Variants in NPAS4 observed in about 807,000 individuals in gnomAD.
The protein encoded by NPAS4 is neuronal PAS domain protein 4, also known as neuronal PAS domain-containing protein 4.
In NPAS4, 10 loss-of-function variants were observed where a neutral mutation model predicts 64.0. The observed-to-expected ratio is 0.16, with a 90% confidence interval of 0.10 to 0.26. NPAS4 has a LOEUF of 0.26. Ranked by LOEUF, NPAS4 falls within the 10% of genes least tolerant of loss-of-function variation. The pLI is 1.00. For synonymous variants in NPAS4, 441 were observed against 411.7 expected, an observed-to-expected ratio of 1.07 and a Z score of -0.86; for missense variants, 886 against 992.6, an observed-to-expected ratio of 0.89 and a Z score of 1.44.
the NPAS4 span, chr11:66,409,894 C>G: frequency 6.6e-6 from 1 of 152,358 alleles, no homozygotes; most frequent in Non-Finnish European, 1.5e-5. Flanking sequence ...TTTGGAAAAG[C>G]TTCTGGATGC....
Position 66,422,735 on chromosome 11 carries a change from C to A in NPAS4, c.492C>A (p.Asn164Lys), listed in dbSNP as rs765475757. 6.8e-6 allele frequency: 11 copies of A among 1,614,046 alleles called. No homozygotes were observed. The highest frequency in any genetic ancestry group is 2.2e-5 in the South Asian group (2 of 91,086). Residue 164 changes from asparagine (N) to lysine (K), a missense_variant, in exon 4 of 8, where the codon AAC becomes AAA. By Grantham distance (94) the Asn-to-Lys change is moderately conservative (BLOSUM62 0). Around this residue, in one of 3 missense-constraint regions of NPAS4, gnomAD observed 820 missense variants for 855.5 expected, o/e 0.96. Transcript: ENST00000311034. The stretch of plus-strand genomic sequence containing the variant: ...CCCTCAGGCGCCAGAGTGCAGGCAA[C>A]AAACTCGTGCTTATTCGAGGCCGAT... The part of the protein sequence containing the change: ...SKSLRRQSAG[N>K]KLVLIRGRFH...
In NPAS4 at chr11:66,424,673, C is replaced by T. The variant is rs749883401; in HGVS notation, c.1783C>T (p.Arg595Trp). ...CACGCTCTTGGCCCTAGCCCAGCTCCGGGGCCCCCTCTCTGTGGATGTCCC... is the reference window on the plus strand; with the variant it reads ...CACGCTCTTGGCCCTAGCCCAGCTCTGGGGCCCCCTCTCTGTGGATGTCCC... ...DCTLLALAQL[R>W]GPLSVDVPLV... Residue 595 changes from arginine (R) to tryptophan (W), a missense_variant, in exon 7 of 8, where the codon CGG becomes TGG. By Grantham distance (101) the Arg-to-Trp change is moderately radical (BLOSUM62 -3). Transcript: ENST00000311034. 51 of 1,613,384 alleles carry T rather than the reference C, an allele frequency of 3.2e-5. No individual in the cohort carries two copies. Among genetic ancestry groups the T allele is most frequent in the Middle Eastern group, 1.6e-4 (1 of 6,082 alleles).
upstream of NPAS4, among the ~76,000 whole-genome samples, chr11:66,416,559 T>A (rs1406077434): frequency 2.0e-5 from 3 of 152,140 alleles, no homozygotes; most frequent in Non-Finnish European, 4.4e-5. Context: ...CCTATGGCCA[T>A]AAGTTAAGTA....
chr11:66,411,746 C>T, the NPAS4 span, among the ~76,000 whole-genome samples: 1 of 152,204 alleles, frequency 6.6e-6, no homozygotes, highest in African/African-American at 2.4e-5. Flanking sequence ...CCGCGTTCCC[C>T]AGCATGGGGA....
At chr11:66,421,434 C>T (rs1856739787) in intron 1 of NPAS4, 80 bp downstream of exon 1, 1 of 1,318,038 alleles carries the variant, frequency 7.6e-7, no homozygotes, top group Middle Eastern at 1.8e-4. Context: ...CTGGGGCTGT[C>T]GCATGTCTAG....
rs1856759931 is a variant in NPAS4, at chr11:66,422,487, A to T, written c.364A>T (p.Ile122Phe). 1 of 1,613,878 alleles carries T rather than the reference A, an allele frequency of 6.2e-7. No homozygotes were observed. The highest frequency in any genetic ancestry group is 1.3e-5 in the African/African-American group (1 of 74,854). Residue 122 changes from isoleucine to phenylalanine, a missense_variant, in exon 3 of 8, where the codon ATC becomes TTC. Coordinates refer to ENST00000311034, the MANE Select transcript of NPAS4 (RefSeq NM_178864.4). ...LVAQGDSIYD[I>F]IDPADHLTVR... ...TGCCCAGGGTGACAGCATCTACGAC[A>T]TCATTGACCCAGCTGACCACCTCAC...
At chr11:66,414,764 C>T in the NPAS4 span, among the ~76,000 whole-genome samples, 6,611 of 152,206 alleles carry the variant, frequency 0.043, 187 homozygotes, top group Non-Finnish European at 0.063. Flanking sequence ...CTGCACTGAC[C>T]GCGGAGCCAT....
At chr11:66,414,159 C>T in the NPAS4 span, among the ~76,000 whole-genome samples, 3 of 152,090 alleles carry the variant, frequency 2.0e-5, no homozygotes, top group Non-Finnish European at 4.4e-5. Context: ...AGGGGGTCCC[C>T]GGACCTCACT....
At chr11:66,416,004 GA>G (rs905775225), upstream of NPAS4, among the ~76,000 whole-genome samples, 2 of 152,126 alleles carry the variant, frequency 1.3e-5, no homozygotes, top group African/African-American at 4.8e-5. Context: ...TCGAGATCCT[GA>G]CACAGAAGAT....
At chr11:66,419,493 A>T (rs577558205), upstream of NPAS4, among the ~76,000 whole-genome samples, 14 of 151,922 alleles carry the variant, frequency 9.2e-5, no homozygotes, top group African/African-American at 3.1e-4. Flanking sequence ...TCCCAGTCCC[A>T]CCCTCCAATT....
rs1354397778 is a variant in NPAS4 at position 66,425,158 on chromosome 11, C to T, written c.2268C>T (p.Asp756=). The T allele has an allele frequency of 6.2e-7, 1 of 1,604,644 alleles. No individual in the cohort carries two copies. The highest frequency in any genetic ancestry group is 1.1e-5 in the South Asian group (1 of 89,634). Reference sequence around the variant, plus strand: ...CAGAAGACCACAGCTTCCTGGAGGACCTGGCCACATATGAAACCGCCTTTG... The same window carrying T: ...CAGAAGACCACAGCTTCCTGGAGGATCTGGCCACATATGAAACCGCCTTTG... ...LSPEDHSFLE[D]LATYETAFET... Residue 756 remains aspartate, a synonymous_variant, in exon 7 of 8, where the codon GAC becomes GAT. Coordinates refer to ENST00000311034, the MANE Select transcript of NPAS4 (RefSeq NM_178864.4).
At chr11:66,425,847 A>G (rs1856831856) in intron 7 of NPAS4, 114 bp from the exon 8 acceptor site, 3 of 797,222 alleles carry the variant, frequency 3.8e-6, no homozygotes, top group Non-Finnish European at 6.6e-6. Flanking sequence ...CCATCATTTC[A>G]TCATTGAGCC....
chr11:66,425,267 GA>G lies in NPAS4; in HGVS notation c.2379del (p.Asp794MetfsTer11). On this transcript the variant is annotated frameshift_variant and splice_region_variant, in exon 7 of 8. Coordinates refer to ENST00000311034, the MANE Select transcript of NPAS4 (RefSeq NM_178864.4). LOFTEE classifies it high-confidence loss of function. ...GAGCCAAGTTCAAGACAGCTTCCAT[GA>G]AGGTGAGTCAGCCAAAAGGTCCAAG... ...LQSQVQDSFH[E>X]DGSGGEPTF The G allele has an allele frequency of 6.7e-7, 1 of 1,499,146 alleles. No homozygotes were observed. Among genetic ancestry groups the G allele is most frequent in the Non-Finnish European group, 8.9e-7 (1 of 1,124,584 alleles). The allele number at this position is 1,499,146 out of a possible 1,614,324, so 92.9% of individuals were successfully genotyped here. A position where few individuals can be genotyped will look rare whatever the true frequency, so the allele number is the denominator to read the frequency against.
rs765896015 is a variant in NPAS4, at chr11:66,422,163, G to A, written c.219G>A (p.Glu73=). Residue 73 remains glutamate, a synonymous_variant, in exon 2 of 8, where the codon GAG becomes GAA. Transcript: ENST00000311034. ...AGPTGLLSAQ[E]LEDIVAALPG... ...CCACGGGGCTTCTCTCAGCTCAAGA[G>A]CTTGAGGACATCGTAGCGGCACTAC... is the stretch of plus-strand genomic sequence containing the variant. 2 of 1,614,120 alleles carry A rather than the reference G, an allele frequency of 1.2e-6. No individual in the cohort carries two copies. Among genetic ancestry groups the A allele is most frequent in the Non-Finnish European group, 1.7e-6 (2 of 1,180,006 alleles).
At chr11:66,421,580 A>G (rs1025099695) in intron 1 of NPAS4, among the ~76,000 whole-genome samples, 1 of 152,224 alleles carries the variant, frequency 6.6e-6, no homozygotes, top group African/African-American at 2.4e-5. Context: ...CCCTAACACC[A>G]GATTATGAGA....
Position 66,423,851 on chromosome 11 carries a change from A to G in NPAS4, c.961A>G (p.Ser321Gly), listed in dbSNP as rs750758195. The G allele has an allele frequency of 8.7e-6, 14 of 1,609,788 alleles. No homozygotes were observed. The highest frequency in any genetic ancestry group is 6.7e-5 in the Admixed American group (4 of 59,610). Residue 321 changes from serine to glycine, a missense_variant, in exon 7 of 8, where the codon AGC becomes GGC. Physicochemically the swap from Ser to Gly is moderately conservative, Grantham distance 56. Around this residue, in one of 3 missense-constraint regions of NPAS4, gnomAD observed 820 missense variants for 855.5 expected, o/e 0.96. Coordinates refer to ENST00000311034, the MANE Select transcript of NPAS4 (RefSeq NM_178864.4). ...NYPISDMEAW[S>G]LRQQLNSEDT... The stretch of plus-strand genomic sequence containing the variant: ...CCTCTCCAGTGACATGGAAGCCTGG[A>G]GCCTCCGCCAGCAGTTGAACTCTGA...
At chr11:66,420,428 C>T (rs914715526), upstream of NPAS4, among the ~76,000 whole-genome samples, 1 of 152,168 alleles carries the variant, frequency 6.6e-6, no homozygotes, top group Non-Finnish European at 1.5e-5. Flanking sequence ...GAAGCGGGGG[C>T]GGGAATTTGT....
At chr11:66,423,746 T>G (rs1856792191) in intron 6 of NPAS4, 33 bp downstream of exon 6, 1 of 1,613,158 alleles carries the variant, frequency 6.2e-7, no homozygotes, top group Non-Finnish European at 8.5e-7. Flanking sequence ...AGGGGGCAGC[T>G]GAGGTCGTCA....
Position 66,423,139 on chromosome 11 carries a change from G to A in NPAS4, c.715G>A (p.Gly239Ser). 1 of 1,609,620 alleles carries A rather than the reference G, an allele frequency of 6.2e-7. No homozygotes were observed. Among genetic ancestry groups the A allele is most frequent in the Non-Finnish European group, 8.5e-7 (1 of 1,177,384 alleles). Reference protein sequence around the residue: ...DISESVLIYLGFERSELLCKS... With the variant: ...DISESVLIYLSFERSELLCKS... ...CCTTCCCAGTGTCCTAATCTACCTG[G>A]GCTTTGAGCGCAGTGAACTGCTTTG... The change falls in exon 5 of 8, where the codon GGC (glycine) becomes AGC (serine). Residue 239 changes from glycine (G) to serine (S), a missense_variant. Physicochemically the swap from Gly to Ser is moderately conservative, Grantham distance 56. Transcript: ENST00000311034.
Sources: allele counts gnomAD v4.1 joint callset (sites outside exome capture counted in the v4.1 genomes callset), GRCh38; gene constraint gnomAD v4.1.1; regional missense constraint gnomAD v4.1.1; transcripts MANE v1.5; gene names NCBI Gene and HGNC (gene_info 2026-07-23, HGNC 2026-07-21).